The following LEMD3 variants were observed in gnomAD, a reference collection of about 807,000 sequenced individuals.
The protein encoded by LEMD3 is inner nuclear membrane protein Man1.
A neutral mutation model predicts 95.2 loss-of-function variants in LEMD3; 33 were observed. That is an observed-to-expected ratio of 0.35 (90% CI 0.26 to 0.46). The LOEUF (loss-of-function observed/expected upper bound fraction) is 0.46. Ranked by LOEUF, LEMD3 falls within the 20% of genes least tolerant of loss-of-function variation. The probability of loss-of-function intolerance (pLI) is 1.00; values close to 1 mark genes in which losing one functional copy is unlikely to be tolerated. For missense variants in LEMD3, 1,210 were observed against 1,192.8 expected, an observed-to-expected ratio of 1.01 and a Z score of -0.21; for synonymous variants, 525 against 474.6, an observed-to-expected ratio of 1.11 and a Z score of -1.38.
Position 65,215,996 on chromosome 12 carries a change from T to G in LEMD3, c.1580T>G (p.Met527Arg), listed in dbSNP as rs1870098832. ...GKIQESEKTLMMNTLYKLHDR... is the reference protein window; with the variant it reads ...GKIQESEKTLRMNTLYKLHDR... ...TTTTAGGAAAGTGAAAAAACTCTTATGATGAACACATTATATAAGCTTCAT... is the reference window on the plus strand; with the variant it reads ...TTTTAGGAAAGTGAAAAAACTCTTAGGATGAACACATTATATAAGCTTCAT... Residue 527 changes from methionine (M) to arginine (R), a missense_variant, in exon 3 of 13, where the codon ATG becomes AGG. Met to Arg is a moderately conservative substitution (Grantham distance 91). Transcript: ENST00000308330. 6.4e-7 allele frequency: 1 copy of G among 1,569,316 alleles called. No individual in the cohort carries two copies. Among genetic ancestry groups the G allele is most frequent in the Non-Finnish European group, 8.7e-7 (1 of 1,148,154 alleles).
At chr12:65,208,920 A>G (rs573224251) in intron 1 of LEMD3, among the ~76,000 whole-genome samples, 1 of 152,054 alleles carries the variant, frequency 6.6e-6, no homozygotes, top group Non-Finnish European at 1.5e-5. Flanking sequence ...GTAGAGCAAT[A>G]TTTTCAGCAA....
chr12:65,241,147 T>C (rs563675201), intron 9 of LEMD3, 60 bp downstream of exon 9: 1 of 1,399,486 alleles, frequency 7.1e-7, no homozygotes, highest in Non-Finnish European at 1.0e-6. Flanking sequence ...ATGACAAATA[T>C]GTGTTAAGTG....
chr12:65,204,869 A>G (rs114283883), intron 1 of LEMD3, among the ~76,000 whole-genome samples: 2,352 of 152,274 alleles, frequency 0.015, 29 homozygotes, highest in Middle Eastern at 0.041. Flanking sequence ...TGAGGGTACA[A>G]TTATAATGTG....
chr12:65,247,109 A>G lies in LEMD3; in HGVS notation c.*784A>G, dbSNP rs921060206. On this transcript the variant is annotated 3_prime_UTR_variant, in exon 13 of 13. Transcript: ENST00000308330. ...ACTTTTGCATAGATCAAACAGCCAA[A>G]CACCTGGAAGTATTAGATACAAGTT... 5 of 152,576 alleles carry G rather than the reference A, an allele frequency of 3.3e-5. No individual in the cohort carries two copies. The highest frequency in any genetic ancestry group is 1.2e-4 in the African/African-American group (5 of 41,444). 9.5% of individuals were successfully genotyped at this position (152,576 alleles called of 1,614,324 possible). A position where few individuals can be genotyped will look rare whatever the true frequency, so the allele number is the denominator to read the frequency against.
At chr12:65,192,844 A>G (rs1869287127) in intron 1 of LEMD3, among the ~76,000 whole-genome samples, 1 of 152,064 alleles carries the variant, frequency 6.6e-6, no homozygotes, top group African/African-American at 2.4e-5. Flanking sequence ...ACTTAGCAAA[A>G]CTCCAATAGT....
chr12:65,196,753 C>G (rs1267345263), intron 1 of LEMD3, among the ~76,000 whole-genome samples: 1 of 152,072 alleles, frequency 6.6e-6, no homozygotes, highest in Non-Finnish European at 1.5e-5. Context: ...ATGGTGACCT[C>G]CAAATGCGCA....
chr12:65,212,741 A>G (rs1353776709), intron 2 of LEMD3, among the ~76,000 whole-genome samples: 1 of 152,184 alleles, frequency 6.6e-6, no homozygotes, highest in African/African-American at 2.4e-5. Flanking sequence ...CCTTTATTTA[A>G]TGAAAGATTA....
At chr12:65,186,068 A>G (rs1358652060) in intron 1 of LEMD3, among the ~76,000 whole-genome samples, 3 of 152,110 alleles carry the variant, frequency 2.0e-5, no homozygotes, top group Non-Finnish European at 4.4e-5. Context: ...TAATCTATCT[A>G]AGATATATTA....
chr12:65,243,886 A>G (rs1192245958), intron 10 of LEMD3, among the ~76,000 whole-genome samples: 1 of 152,192 alleles, frequency 6.6e-6, no homozygotes, highest in African/African-American at 2.4e-5. Flanking sequence ...TCCTACAAAG[A>G]TGTATATACC....
intron 1 of LEMD3, among the ~76,000 whole-genome samples, chr12:65,200,997 A>T (rs1049168830): frequency 1.3e-5 from 2 of 152,144 alleles, no homozygotes; most frequent in Non-Finnish European, 2.9e-5. Context: ...ATCTGTGCCT[A>T]GATTAATTTT....
At chr12:65,229,628 G>A (rs1401182156) in intron 4 of LEMD3, among the ~76,000 whole-genome samples, 2 of 152,152 alleles carry the variant, frequency 1.3e-5, no homozygotes, top group African/African-American at 4.8e-5. Context: ...TTTCCCTGAT[G>A]ATTCATATGT....
chr12:65,209,779 C>G (rs1869883159), intron 1 of LEMD3, among the ~76,000 whole-genome samples: 1 of 151,618 alleles, frequency 6.6e-6, no homozygotes, highest in Non-Finnish European at 1.5e-5. Context: ...TTTATTGTAC[C>G]TTGTTAAGCT....
At chr12:65,171,657 C>A (rs536978404) in intron 1 of LEMD3, 2 of 167,020 alleles carry the variant, frequency 1.2e-5, no homozygotes, top group South Asian at 2.8e-4. Flanking sequence ...AGCAGCAAGG[C>A]ACACCTCTTA....
intron 1 of LEMD3, among the ~76,000 whole-genome samples, chr12:65,194,761 C>T (rs1869357274): frequency 1.3e-4 from 4 of 31,334 alleles, no homozygotes; most frequent in African/African-American, 1.0e-3. Context: ...ATTAGTTTTA[C>T]ATAGGCAGTT....
At chr12:65,190,014 G>T (rs567405489) in intron 1 of LEMD3, among the ~76,000 whole-genome samples, 1 of 152,158 alleles carries the variant, frequency 6.6e-6, no homozygotes, top group South Asian at 2.1e-4. Flanking sequence ...TACCACACTA[G>T]TTTTTTCCAA....
At position 65,193,993 on chromosome 12, in the gene LEMD3, A is replaced by G. The variant is rs140464837; in HGVS notation, c.1523-16933A>G. ...TGCTCGTATTATACTTAAAGCTGGT[A>G]ACTCAGAAGACACAGCTGTTTGTAT... is the stretch of plus-strand genomic sequence containing the variant. On this transcript the variant is annotated intron_variant, in intron 1 of 12. Transcript: ENST00000308330. 3.7e-3 allele frequency among the ~76,000 whole-genome samples: 560 copies of G among 152,274 alleles called. 3 individuals carry two copies. The highest frequency in any genetic ancestry group is 6.8e-3 in the Middle Eastern group (2 of 294).
At position 65,246,601 on chromosome 12, in the gene LEMD3, A is replaced by G. The variant is rs1592466930; in HGVS notation, c.*276A>G. The G allele has an allele frequency of 7.5e-6, 3 of 401,264 alleles. No homozygotes were observed. The allele number at this position is 401,264 out of a possible 1,614,324, so 24.9% of individuals were successfully genotyped here. On this transcript the variant is annotated 3_prime_UTR_variant, in exon 13 of 13. Transcript: ENST00000308330. ...CACTGACTTTATTAAGCATTTTCAG[A>G]TGTGGTGGTTGTATTTTTGCCCCAA...
chr12:65,182,166 C>T (rs1272540955), intron 1 of LEMD3, among the ~76,000 whole-genome samples: 1 of 152,158 alleles, frequency 6.6e-6, no homozygotes, highest in African/African-American at 2.4e-5. Flanking sequence ...ACAGTATTAA[C>T]TACCAGGCAG....
At chr12:65,233,539 C>G (rs1870690628) in intron 4 of LEMD3, among the ~76,000 whole-genome samples, 1 of 152,022 alleles carries the variant, frequency 6.6e-6, no homozygotes, top group South Asian at 2.1e-4. Context: ...TTGTGGATTT[C>G]TGTGTGTTAT....
Sources: gnomAD v4.1 joint callset for allele counts (sites outside exome capture counted in the v4.1 genomes callset) on GRCh38, gnomAD v4.1.1 for gene constraint, MANE v1.5 for transcripts, NCBI Gene and HGNC (gene_info 2026-07-23, HGNC 2026-07-21) for gene names.